The following ARHGAP8 variants were observed in gnomAD, a reference collection of about 807,000 sequenced individuals.
The protein encoded by ARHGAP8 is Rho GTPase activating protein 8.
In ARHGAP8, 62 loss-of-function variants were observed where a neutral mutation model predicts 46.1. The ratio of observed to expected loss-of-function variants is 1.34; its 90% CI spans 1.10 to 1.66. ARHGAP8 has a LOEUF of 1.66. ARHGAP8 is among the 40% of genes most tolerant of loss of function. ARHGAP8 has a pLI of 0.00. For synonymous variants in ARHGAP8, 375 were observed against 243.1 expected, an observed-to-expected ratio of 1.54 and a Z score of -5.05; for missense variants, 923 against 568.4, an observed-to-expected ratio of 1.62 and a Z score of -6.34.
chr22:44,832,037 C>T (rs1334335192), intron 7 of ARHGAP8, among the ~76,000 whole-genome samples: 1 of 151,966 alleles, frequency 6.6e-6, no homozygotes, highest in Non-Finnish European at 1.5e-5. Context: ...GGTGTGTAGA[C>T]CAATTTTGAG....
chr22:44,839,133 G>A (rs1392132311), intron 7 of ARHGAP8, among the ~76,000 whole-genome samples: 1 of 152,070 alleles, frequency 6.6e-6, no homozygotes, highest in African/African-American at 2.4e-5. Flanking sequence ...GGACCTGCCT[G>A]CCACATTCCT....
intron 10 of ARHGAP8, among the ~76,000 whole-genome samples, chr22:44,852,189 CAAAAAAAAAAAAAA>C (rs58207915): frequency 2.9e-4 from 22 of 76,024 alleles, no homozygotes; most frequent in Non-Finnish European, 3.4e-4. Context: ...GAGACTTTGT[CAAAAAAAAAAAAAA>C]AAAAAAAAAA....
At chr22:44,851,764 G>A (rs996143109) in intron 10 of ARHGAP8, among the ~76,000 whole-genome samples, 1 of 151,954 alleles carries the variant, frequency 6.6e-6, no homozygotes, top group Non-Finnish European at 1.5e-5. Flanking sequence ...ACCTGAGCCT[G>A]GGAGTTGGAG....
intron 7 of ARHGAP8, among the ~76,000 whole-genome samples, chr22:44,833,489 G>A (rs1257231821): frequency 1.3e-5 from 2 of 152,082 alleles, no homozygotes; most frequent in African/African-American, 4.8e-5. Context: ...TTTACATGTT[G>A]AATAAACCTT....
At position 44,841,220 on chromosome 22, in the gene ARHGAP8, T is replaced by TC. The variant is rs554562860; in HGVS notation, c.597-4049_597-4048insC. On this transcript the variant is annotated intron_variant, in intron 7 of 11. Transcript: ENST00000356099. ...TACGCGTCATGGCCAAGAATCTGAG[T>TC]AAAGTTTCCATGTATTTTTTCTTTT... Among the ~76,000 whole-genome samples, 21 of 126,362 alleles carry TC rather than the reference T, an allele frequency of 1.7e-4. No homozygotes were observed. The South Asian group carries it at 4.8e-3, about 29-fold the overall frequency. 82.9% of individuals were successfully genotyped at this position (126,362 alleles called of 152,430 possible).
chr22:44,835,345 C>T (rs1931213189), intron 7 of ARHGAP8, among the ~76,000 whole-genome samples: 2 of 151,866 alleles, frequency 1.3e-5, no homozygotes, highest in South Asian at 2.1e-4. Flanking sequence ...TGGAGCCAGG[C>T]GTGGTGGCTG....
At chr22:44,788,327 C>T (rs1030002063) in intron 2 of ARHGAP8, among the ~76,000 whole-genome samples, 1 of 152,128 alleles carries the variant, frequency 6.6e-6, no homozygotes, top group Non-Finnish European at 1.5e-5. Context: ...CCATGTTGGT[C>T]AGGCTGGTCT....
chr22:44,839,025 G>A (rs891426127), intron 7 of ARHGAP8, among the ~76,000 whole-genome samples: 4 of 152,172 alleles, frequency 2.6e-5, no homozygotes, highest in African/African-American at 4.8e-5. Context: ...TAGCTCCTAC[G>A]GGAAGGGAGG....
intron 1 of ARHGAP8, among the ~76,000 whole-genome samples, chr22:44,756,075 G>T (rs1047337576): frequency 7.3e-6 from 1 of 136,366 alleles, no homozygotes; most frequent in Non-Finnish European, 1.6e-5. Context: ...TTTAGAGCCT[G>T]CTCCTTCCAC....
intron 7 of ARHGAP8, among the ~76,000 whole-genome samples, chr22:44,834,712 C>A (rs902600033): frequency 2.0e-5 from 3 of 152,108 alleles, no homozygotes; most frequent in Non-Finnish European, 4.4e-5. Context: ...ATTGAAGTCT[C>A]CAGTATCATT....
chr22:44,826,992 T>C lies in ARHGAP8; in HGVS notation c.596+1399T>C, dbSNP rs554027988. Among the ~76,000 whole-genome samples the C allele has an allele frequency of 1.7e-3, 258 of 152,238 alleles. 1 individual carries two copies. The highest frequency in any genetic ancestry group is 5.9e-3 in the African/African-American group (247 of 41,536). On this transcript the variant is annotated intron_variant, in intron 7 of 11. Coordinates refer to ENST00000356099, the MANE Select transcript of ARHGAP8 (RefSeq NM_181335.3). ...AGTCCATGCCCTCATTCCCAGAACC[T>C]GTGATTAGGTCACCTTACATGGCAA...
chr22:44,827,670 T>C (rs1473702518), intron 7 of ARHGAP8, among the ~76,000 whole-genome samples: 1 of 152,122 alleles, frequency 6.6e-6, no homozygotes, highest in Non-Finnish European at 1.5e-5. Context: ...GCTACCAAGT[T>C]GACGGTAGTT....
At chr22:44,861,251 G>A (rs1283914199) in intron 11 of ARHGAP8, among the ~76,000 whole-genome samples, 1 of 152,174 alleles carries the variant, frequency 6.6e-6, no homozygotes, top group Non-Finnish European at 1.5e-5. Flanking sequence ...GGGATTACAG[G>A]TGTGAGCCAC....
At chr22:44,753,913 G>C (rs778753088) in intron 1 of ARHGAP8, among the ~76,000 whole-genome samples, 39 of 152,238 alleles carry the variant, frequency 2.6e-4, no homozygotes, top group Non-Finnish European at 4.6e-4. Context: ...CGTTTCAGAA[G>C]TCGATGTCCT....
At chr22:44,860,015 G>A (rs778854290) in intron 11 of ARHGAP8, among the ~76,000 whole-genome samples, 181 bp downstream of exon 11, 1 of 110,418 alleles carries the variant, frequency 9.1e-6, no homozygotes, top group Admixed American at 1.1e-4. Context: ...CCATGCTGCT[G>A]CGGACCTCCT....
At chr22:44,777,817 T>C (rs1373297469) in intron 1 of ARHGAP8, among the ~76,000 whole-genome samples, 1 of 152,088 alleles carries the variant, frequency 6.6e-6, no homozygotes, top group Non-Finnish European at 1.5e-5. Context: ...TGCCTGACCC[T>C]CCCAAGTAGC....
At chr22:44,831,318 TA>T (rs1179916988) in intron 7 of ARHGAP8, among the ~76,000 whole-genome samples, 2 of 152,222 alleles carry the variant, frequency 1.3e-5, no homozygotes, top group African/African-American at 4.8e-5. Context: ...GGGTCTTTGA[TA>T]CATTTTGAGT....
intron 11 of ARHGAP8, 149 bp downstream of exon 11, chr22:44,859,983 C>T (rs2070389201): frequency 4.1e-6 from 4 of 969,570 alleles, no homozygotes; most frequent in South Asian, 1.7e-5. Context: ...CCAAGGACCT[C>T]ATCCAAGGCC....
intron 11 of ARHGAP8, 77 bp from the exon 12 acceptor site, chr22:44,862,198 C>T (rs896952421): frequency 1.5e-5 from 23 of 1,516,484 alleles, no homozygotes; most frequent in Non-Finnish European, 1.9e-5. Flanking sequence ...ACGCCTCTCC[C>T]TAAGTTCGGG....
Sources: allele counts gnomAD v4.1 joint callset (sites outside exome capture counted in the v4.1 genomes callset), GRCh38; gene constraint gnomAD v4.1.1; transcripts MANE v1.5; gene names NCBI Gene and HGNC (gene_info 2026-07-23, HGNC 2026-07-21).